The following PRDM10 variants were observed in gnomAD, a reference collection of about 807,000 sequenced individuals.
PRDM10 encodes PR domain zinc finger protein 10.
In PRDM10, 65 loss-of-function variants were observed where a neutral mutation model predicts 133.1. That is an observed-to-expected ratio of 0.49 (90% CI 0.40 to 0.60). PRDM10 has a LOEUF of 0.60. PRDM10 is among the 20% of genes least tolerant of loss of function. The probability of loss-of-function intolerance (pLI) is 0.00; values close to 1 mark genes in which losing one functional copy is unlikely to be tolerated. For synonymous variants in PRDM10, 582 were observed against 580.4 expected (o/e 1.00, Z -0.04); for missense variants, 1,137 against 1,507.1 (o/e 0.75, Z 4.07).
chr11:129,989,220 G>A (rs954723520), intron 1 of PRDM10, among the ~76,000 whole-genome samples: 5 of 151,980 alleles, frequency 3.3e-5, no homozygotes, highest in Non-Finnish European at 7.4e-5. Flanking sequence ...GGGGATGATG[G>A]CTTTAAGCCC....
chr11:129,958,266 G>A (rs1226205067), intron 2 of PRDM10, among the ~76,000 whole-genome samples: 1 of 152,142 alleles, frequency 6.6e-6, no homozygotes, highest in Non-Finnish European at 1.5e-5. Flanking sequence ...AATACGTCAA[G>A]ACTCAAAAGC....
chr11:129,940,592 G>A (rs1951175723), intron 7 of PRDM10, among the ~76,000 whole-genome samples: 2 of 152,186 alleles, frequency 1.3e-5, no homozygotes, highest in South Asian at 4.1e-4. Context: ...CAGGGTATAT[G>A]TGCAGGATGT....
chr11:129,979,476 A>G (rs1451630581), intron 1 of PRDM10, among the ~76,000 whole-genome samples: 3 of 152,134 alleles, frequency 2.0e-5, no homozygotes, highest in Non-Finnish European at 4.4e-5. Flanking sequence ...TGTAAGACTC[A>G]GTCAGCTCCA....
chr11:129,982,149 C>T (rs915071146), intron 1 of PRDM10, among the ~76,000 whole-genome samples: 1 of 151,944 alleles, frequency 6.6e-6, no homozygotes, highest in South Asian at 2.1e-4. Context: ...ATCCCAGCTA[C>T]TCCGGAGGCT....
intron 1 of PRDM10, among the ~76,000 whole-genome samples, chr11:129,985,305 A>G (rs1413009279): frequency 6.6e-6 from 1 of 152,140 alleles, no homozygotes; most frequent in Non-Finnish European, 1.5e-5. Context: ...AGATATGTGT[A>G]TATATATCTC....
intron 7 of PRDM10, among the ~76,000 whole-genome samples, chr11:129,941,705 T>A (rs1290481999): frequency 6.6e-6 from 1 of 152,218 alleles, no homozygotes; most frequent in Non-Finnish European, 1.5e-5. Flanking sequence ...CATGAGATAG[T>A]CAATACTTTC....
At chr11:129,922,764 A>G (rs1591600653) in intron 13 of PRDM10, among the ~76,000 whole-genome samples, 1 of 152,262 alleles carries the variant, frequency 6.6e-6, no homozygotes, top group South Asian at 2.1e-4. Context: ...ACGGATACTC[A>G]TAATGTTTTA....
At chr11:129,965,212 G>A (rs1263155686) in intron 1 of PRDM10, among the ~76,000 whole-genome samples, 1 of 151,752 alleles carries the variant, frequency 6.6e-6, no homozygotes, top group Non-Finnish European at 1.5e-5. Flanking sequence ...CTGCACTCCA[G>A]CCTGGGCGAC....
chr11:129,980,861 G>GTTTTTTT (rs60735364), intron 1 of PRDM10, among the ~76,000 whole-genome samples: 3 of 102,130 alleles, frequency 2.9e-5, no homozygotes, highest in African/African-American at 4.1e-5. Flanking sequence ...GACATTTCTG[G>GTTTTTTT]TTTTTTTTTT....
At chr11:129,985,079 G>A (rs1242748922) in intron 1 of PRDM10, among the ~76,000 whole-genome samples, 8 of 152,228 alleles carry the variant, frequency 5.3e-5, no homozygotes, top group African/African-American at 7.2e-5. Flanking sequence ...TGGAGCTGAT[G>A]AGGGAGTGTC....
chr11:129,933,080 A>T (rs1950921426), intron 9 of PRDM10, among the ~76,000 whole-genome samples: 1 of 152,334 alleles, frequency 6.6e-6, no homozygotes, highest in Middle Eastern at 3.4e-3. Flanking sequence ...ACAAACACAA[A>T]TTCCTTAATA....
At chr11:129,940,747 C>T (rs1565481551) in intron 7 of PRDM10, among the ~76,000 whole-genome samples, 1 of 152,188 alleles carries the variant, frequency 6.6e-6, no homozygotes, top group Non-Finnish European at 1.5e-5. Context: ...CAGATAAAGT[C>T]AATTCCTGAC....
At chr11:129,937,528 G>A (rs996534065) in intron 8 of PRDM10, 70 bp downstream of exon 8, 3 of 1,419,258 alleles carry the variant, frequency 2.1e-6, no homozygotes, top group East Asian at 4.9e-5. Context: ...AAAATTAGAG[G>A]TTTCATAAAG....
At chr11:129,911,994 C>T (rs1950198301) in intron 18 of PRDM10, 91 bp downstream of exon 18, 1 of 1,382,146 alleles carries the variant, frequency 7.2e-7, no homozygotes, top group Non-Finnish European at 9.5e-7. Context: ...GCTGAGGAGA[C>T]TAGGTCTGAA....
Position 129,980,357 on chromosome 11 carries a change from T to C in PRDM10, c.-118-19275A>G, listed in dbSNP as rs894941344. 2.0e-5 allele frequency among the ~76,000 whole-genome samples: 3 copies of C among 152,206 alleles called. No homozygotes were observed. In the East Asian group the frequency reaches 5.8e-4, roughly 29 times the overall value. ...CGGGGCCGCACACAGGTACCAGTCC[T>C]GTGGCCTAGGAGGACAACAGCAGCG... On this transcript the variant is annotated intron_variant, in intron 1 of 20. Transcript: ENST00000360871.
At position 129,947,370 on chromosome 11, in the gene PRDM10, C is replaced by G; in HGVS notation, c.295G>C (p.Ala99Pro). Residue 99 changes from alanine to proline, a missense_variant and splice_region_variant, in exon 5 of 21, where the codon GCC becomes CCC. Transcript: ENST00000360871. The surrounding 1 kb of genome is among the most constrained non-coding windows in gnomAD (Gnocchi z 4.6). ...YVQQDATAQQ[A>P]SLPVHNQVLP... ...ACCTGGTTATGAACTGGCAATGAGG[C>G]CTGGGCAAAAGTTGAAGGCACAGAG... 1 of 1,614,218 alleles carries G rather than the reference C, an allele frequency of 6.2e-7. No individual in the cohort carries two copies. Among genetic ancestry groups the G allele is most frequent in the South Asian group, 1.1e-5 (1 of 91,078 alleles).
At chr11:129,912,668 C>T (rs1216919769) in intron 17 of PRDM10, among the ~76,000 whole-genome samples, 6 of 151,340 alleles carry the variant, frequency 4.0e-5, no homozygotes, top group Admixed American at 6.6e-5. Context: ...AGGAGAATGG[C>T]GTGAACCTGG....
chr11:129,899,837 A>G lies in PRDM10; in HGVS notation c.*2476T>C, dbSNP rs1040328614. 2.6e-5 allele frequency: 4 copies of G among 152,690 alleles called. No homozygotes were observed. The highest frequency in any genetic ancestry group is 5.9e-5 in the Non-Finnish European group (4 of 68,044). The allele number at this position is 152,690 out of a possible 1,614,324, so 9.5% of individuals were successfully genotyped here. ...CAATAAATGTTCACATTTAAATAACAGGATAGGGTCAACATTTTCAACCAG... is the reference window on the plus strand; with the variant it reads ...CAATAAATGTTCACATTTAAATAACGGGATAGGGTCAACATTTTCAACCAG... On this transcript the variant is annotated 3_prime_UTR_variant, in exon 21 of 21. Transcript: ENST00000360871.
chr11:129,910,599 A>T lies in PRDM10; in HGVS notation c.3040T>A (p.Ser1014Thr), dbSNP rs147100201. 1,989 of 1,613,640 alleles carry T rather than the reference A, an allele frequency of 1.2e-3. 20 individuals are homozygous for T. The African/African-American group carries it at 0.024, about 19-fold the overall frequency. Residue 1014 changes from serine to threonine, a missense_variant, in exon 19 of 21, where the codon TCC (serine) becomes ACC (threonine). This residue lies in a region of PRDM10 where 243 missense variants were observed against 259.2 expected (regional missense o/e 0.94). Transcript: ENST00000360871. ...GTGGAAGAACTGCCCTGGATGTGGG[A>T]GGGGCTGAGCCCCTGCTGAGCCTGC... ...AQQAQQGLSP[S>T]HIQGSSSTQG... is the part of the protein sequence containing the mutation.
Sources: gnomAD v4.1 joint callset for allele counts (sites outside exome capture counted in the v4.1 genomes callset) on GRCh38, gnomAD v4.1.1 for gene constraint, gnomAD v4.1.1 regional missense constraint, Gnocchi (gnomAD v3.1) non-coding constraint, MANE v1.5 for transcripts, NCBI Gene and HGNC (gene_info 2026-07-23, HGNC 2026-07-21) for gene names.